Variants in OSBPL8 observed in about 807,000 individuals in gnomAD.
OSBPL8 encodes the protein oxysterol binding protein like 8, also known as oxysterol-binding protein-related protein 8.
In OSBPL8, 59 loss-of-function variants were observed where a neutral mutation model predicts 125.5. The ratio of observed to expected loss-of-function variants is 0.47; its 90% CI spans 0.38 to 0.58. The LOEUF (loss-of-function observed/expected upper bound fraction) is 0.58, where lower values mean the gene tolerates loss of function less well. Ranked by LOEUF, OSBPL8 falls within the 20% of genes least tolerant of loss-of-function variation. The pLI is 0.00. For synonymous variants in OSBPL8, 330 were observed against 338.9 expected, an observed-to-expected ratio of 0.97 and a Z score of 0.29; for missense variants, 758 against 1,047.8, an observed-to-expected ratio of 0.72 and a Z score of 3.82.
At chr12:76,407,288 GTC>G (rs1954303610) in intron 5 of OSBPL8, among the ~76,000 whole-genome samples, 1 of 152,140 alleles carries the variant, frequency 6.6e-6, no homozygotes, top group Non-Finnish European at 1.5e-5. Context: ...GTCTCACTTT[GTC>G]TCTCAGGCCA....
chr12:76,370,173 C>T (rs1020703273), intron 19 of OSBPL8, among the ~76,000 whole-genome samples: 13 of 152,094 alleles, frequency 8.5e-5, no homozygotes, highest in African/African-American at 2.7e-4. Flanking sequence ...TTCCTAGATG[C>T]GTCTTACACT....
chr12:76,497,369 A>G (rs7304517), intron 1 of OSBPL8, among the ~76,000 whole-genome samples: 59,764 of 152,016 alleles, frequency 0.39, 12,247 homozygotes, highest in Non-Finnish European at 0.46. Context: ...ATAGGAGTAG[A>G]GCATACTTTG....
At chr12:76,514,709 C>T (rs1263440628) in intron 1 of OSBPL8, among the ~76,000 whole-genome samples, 1 of 152,162 alleles carries the variant, frequency 6.6e-6, no homozygotes, top group African/African-American at 2.4e-5. Context: ...TCTAGCAAAG[C>T]TGGGGAAGTT....
intron 3 of OSBPL8, 77 bp from the exon 4 acceptor site, chr12:76,451,065 A>T: frequency 2.1e-6 from 3 of 1,434,680 alleles, no homozygotes; most frequent in South Asian, 1.4e-5. Context: ...ACATGGAATA[A>T]GATCAAAACT....
intron 1 of OSBPL8, chr12:76,534,242 T>A (rs2137366814): frequency 6.6e-6 from 1 of 152,344 alleles, no homozygotes; most frequent in South Asian, 2.1e-4. Flanking sequence ...ACCTCAAATG[T>A]TCCTGCAAAA....
chr12:76,545,755 C>G (rs1029226928), intron 1 of OSBPL8, among the ~76,000 whole-genome samples: 4 of 152,142 alleles, frequency 2.6e-5, no homozygotes, highest in Admixed American at 2.6e-4. Context: ...AATTACACTT[C>G]TCTATGCCTA....
chr12:76,487,068 C>T (rs535607488), intron 2 of OSBPL8, among the ~76,000 whole-genome samples: 188 of 125,334 alleles, frequency 1.5e-3, no homozygotes, highest in Middle Eastern at 6.3e-3. Flanking sequence ...CTGACTTTGT[C>T]GCCCAGGCTG....
In OSBPL8 at chr12:76,478,341, C is replaced by CA. The variant is rs202204129; in HGVS notation, c.42+9168dup. On this transcript the variant is annotated intron_variant, in intron 2 of 23. Coordinates refer to ENST00000261183, the MANE Select transcript of OSBPL8 (RefSeq NM_020841.5). ...AATATAAAGTACCATGGTATTATTA[C>CA]AAAAAAAAAATAATTTTTACCCCTC... 3.5e-3 allele frequency among the ~76,000 whole-genome samples: 515 copies of CA among 148,548 alleles called. 2 individuals carry two copies. Among genetic ancestry groups the CA allele is most frequent in the African/African-American group, 0.011 (435 of 40,630 alleles).
chr12:76,459,964 G>C, intron 2 of OSBPL8, 69 bp from the exon 3 acceptor site: 1 of 1,481,138 alleles, frequency 6.8e-7, no homozygotes, highest in Admixed American at 1.7e-5. Context: ...AATGCATCAG[G>C]ACGGAAACAG....
chr12:76,371,539 C>T lies in OSBPL8; in HGVS notation c.1963G>A (p.Val655Ile), dbSNP rs990974673. 1.2e-6 allele frequency: 2 copies of T among 1,610,524 alleles called. No homozygotes were observed. Among genetic ancestry groups the T allele is most frequent in the Non-Finnish European group, 1.7e-6 (2 of 1,178,332 alleles). Residue 655 changes from valine to isoleucine, a missense_variant, in exon 19 of 24, where the codon GTT (valine) becomes ATT (isoleucine). By Grantham distance (29) the Val-to-Ile change is conservative. Coordinates refer to ENST00000261183, the MANE Select transcript of OSBPL8 (RefSeq NM_020841.5). ...ITDKKTDNSE[V>I]FWNPTPDIKQ... ...ATGTCAGGTGTTGGATTCCAGAAAA[C>T]CTCTGAATTATCAGTCTTTTTATCA...
chr12:76,389,554 T>C, intron 12 of OSBPL8, 91 bp downstream of exon 12: 1 of 1,104,986 alleles, frequency 9.0e-7, no homozygotes, highest in South Asian at 2.1e-5. Flanking sequence ...AGAGCCTGAT[T>C]TTGGAAACAA....
chr12:76,425,864 C>A (rs952984044), intron 4 of OSBPL8, among the ~76,000 whole-genome samples: 8 of 152,172 alleles, frequency 5.3e-5, no homozygotes, highest in African/African-American at 1.9e-4. Flanking sequence ...TCTTGTGTTT[C>A]CCAAGACCCA....
chr12:76,395,586 T>C (rs768232114), intron 8 of OSBPL8, among the ~76,000 whole-genome samples: 2 of 152,160 alleles, frequency 1.3e-5, no homozygotes, highest in African/African-American at 2.4e-5. Flanking sequence ...TTACAATTTA[T>C]GGGCCAGTTC....
chr12:76,352,388 TA>T lies in OSBPL8; in HGVS notation c.*3500del, dbSNP rs757465451. On this transcript the variant is annotated 3_prime_UTR_variant, in exon 24 of 24. Transcript: ENST00000261183. ...CAACAGTCCATCTTCAATTAAAAAC[TA>T]ACAAAAATAAACAGTATGTAAAGAG... is the stretch of plus-strand genomic sequence containing the variant. The T allele has an allele frequency of 6.6e-6, 1 of 152,392 alleles. No individual in the cohort carries two copies. Among genetic ancestry groups the T allele is most frequent in the Non-Finnish European group, 1.5e-5 (1 of 67,960 alleles). 9.4% of individuals were successfully genotyped at this position (152,392 alleles called of 1,614,324 possible).
chr12:76,500,584 A>G (rs972640634), intron 1 of OSBPL8, among the ~76,000 whole-genome samples: 6 of 152,288 alleles, frequency 3.9e-5, no homozygotes, highest in African/African-American at 1.4e-4. Flanking sequence ...ACAATAATGG[A>G]TTACAACATA....
intron 9 of OSBPL8, among the ~76,000 whole-genome samples, chr12:76,394,442 G>A (rs114525161): frequency 6.6e-6 from 1 of 152,162 alleles, no homozygotes; most frequent in African/African-American, 2.4e-5. Flanking sequence ...TAACTCTTCA[G>A]TAAATCACAC....
chr12:76,449,018 TAAAG>T (rs748311613), intron 4 of OSBPL8, among the ~76,000 whole-genome samples: 13 of 151,882 alleles, frequency 8.6e-5, no homozygotes, highest in Admixed American at 2.6e-4. Context: ...TCTCAAAAAA[TAAAG>T]AAAGAAAGTA....
intron 1 of OSBPL8, among the ~76,000 whole-genome samples, chr12:76,509,181 T>G (rs557589331): frequency 6.6e-6 from 1 of 152,304 alleles, no homozygotes; most frequent in South Asian, 2.1e-4. Flanking sequence ...ACATTCTGTA[T>G]AGTAAAACAT....
At chr12:76,384,479 T>G (rs1036608513) in intron 14 of OSBPL8, 129 bp from the exon 15 acceptor site, 3 of 465,114 alleles carry the variant, frequency 6.5e-6, no homozygotes, top group African/African-American at 6.0e-5. Flanking sequence ...AAAAAACATT[T>G]AATAAGTAGT....
Sources: gnomAD v4.1 joint callset for allele counts (sites outside exome capture counted in the v4.1 genomes callset) on GRCh38, gnomAD v4.1.1 for gene constraint, MANE v1.5 for transcripts, NCBI Gene and HGNC (gene_info 2026-07-23, HGNC 2026-07-21) for gene names.